CNTN5: variants seen among roughly 807,000 people sequenced by gnomAD.
The protein encoded by CNTN5 is contactin 5.
CNTN5 carries 77 observed loss-of-function variants against 129.1 expected under a neutral mutation model. The ratio of observed to expected loss-of-function variants is 0.60; its 90% CI spans 0.50 to 0.72. The LOEUF (loss-of-function observed/expected upper bound fraction) is 0.72. Ranked by LOEUF, CNTN5 falls within the 30% of genes least tolerant of loss-of-function variation. The pLI, the probability that CNTN5 is intolerant of heterozygous loss-of-function variation, is 0.00. For missense variants in CNTN5, 1,478 were observed against 1,328.8 expected, an observed-to-expected ratio of 1.11 and a Z score of -1.75; for synonymous variants, 509 against 465.6, an observed-to-expected ratio of 1.09 and a Z score of -1.20.
chr11:100,027,384 T>C (rs1377108619), intron 9 of CNTN5, among the ~76,000 whole-genome samples: 5 of 152,302 alleles, frequency 3.3e-5, no homozygotes, highest in South Asian at 2.1e-4. Flanking sequence ...CAGCATTTAG[T>C]ATTGGCTTAA....
chr11:100,002,596 G>T (rs1939943356), intron 9 of CNTN5, among the ~76,000 whole-genome samples: 2 of 152,082 alleles, frequency 1.3e-5, no homozygotes, highest in African/African-American at 4.8e-5. Flanking sequence ...AGTATCTCCT[G>T]AAATCATAAC....
At chr11:99,077,489 AT>A (rs1194821954) in intron 1 of CNTN5, among the ~76,000 whole-genome samples, 1 of 152,214 alleles carries the variant, frequency 6.6e-6, no homozygotes, top group African/African-American at 2.4e-5. Context: ...AGTGATACAC[AT>A]TTTAAATATC....
chr11:99,683,854 T>C (rs1412885588), intron 3 of CNTN5, among the ~76,000 whole-genome samples: 1 of 151,394 alleles, frequency 6.6e-6, no homozygotes, highest in Non-Finnish European at 1.5e-5. Context: ...ATTTATGGTG[T>C]ACGTGATGTT....
At chr11:99,972,915 G>A (rs1211106397) in intron 8 of CNTN5, among the ~76,000 whole-genome samples, 1 of 151,662 alleles carries the variant, frequency 6.6e-6, no homozygotes, top group Non-Finnish European at 1.5e-5. Flanking sequence ...TTAATTGTGT[G>A]TACAGTAAAA....
intron 1 of CNTN5, among the ~76,000 whole-genome samples, chr11:99,141,777 G>T (rs572057083): frequency 6.6e-6 from 1 of 152,200 alleles, no homozygotes; most frequent in East Asian, 1.9e-4. Context: ...GGAGCAGTTT[G>T]TTTATCTTCC....
chr11:99,268,062 A>T (rs1389874160), intron 1 of CNTN5, among the ~76,000 whole-genome samples: 2 of 151,954 alleles, frequency 1.3e-5, no homozygotes, highest in African/African-American at 4.8e-5. Flanking sequence ...GGCAGTCCTC[A>T]TTTTAAATCA....
chr11:99,471,202 G>A lies in CNTN5; in HGVS notation c.-70-84943G>A, dbSNP rs535146383. On this transcript the variant is annotated intron_variant, in intron 2 of 24. Coordinates refer to ENST00000524871, the MANE Select transcript of CNTN5 (RefSeq NM_014361.4). Reference sequence around the variant, plus strand: ...CATTTTCCTTAAACAGCAATAAAAGGTAACACAATAATAACTCACAATATT... The same window carrying A: ...CATTTTCCTTAAACAGCAATAAAAGATAACACAATAATAACTCACAATATT... Among the ~76,000 whole-genome samples the A allele has an allele frequency of 3.0e-4, 46 of 150,994 alleles. No individual in the cohort carries two copies. The South Asian group carries it at 6.1e-3, about 20-fold the overall frequency.
chr11:99,455,711 AT>A (rs112564989), intron 2 of CNTN5, among the ~76,000 whole-genome samples: 1,882 of 152,206 alleles, frequency 0.012, 44 homozygotes, highest in African/African-American at 0.043. Context: ...CGCAGTAGGA[AT>A]TGTATGAGAA....
At chr11:99,637,033 A>G (rs1951586363) in intron 3 of CNTN5, among the ~76,000 whole-genome samples, 1 of 143,172 alleles carries the variant, frequency 7.0e-6, no homozygotes, top group African/African-American at 2.6e-5. Context: ...AAAAAAAAAA[A>G]AAAAAAAAGT....
chr11:99,147,890 A>G (rs1377124479), intron 1 of CNTN5, among the ~76,000 whole-genome samples: 4 of 152,118 alleles, frequency 2.6e-5, no homozygotes, highest in African/African-American at 9.7e-5. Flanking sequence ...TATATTGTAG[A>G]AATTCAATGA....
At chr11:100,287,262 T>C (rs879070753) in intron 18 of CNTN5, among the ~76,000 whole-genome samples, 2 of 151,992 alleles carry the variant, frequency 1.3e-5, no homozygotes, top group South Asian at 2.1e-4. Context: ...GAGAATGCCA[T>C]AAAGATACTC....
intron 2 of CNTN5, among the ~76,000 whole-genome samples, chr11:99,423,995 A>T (rs1943010274): frequency 6.6e-6 from 1 of 151,996 alleles, no homozygotes; most frequent in Non-Finnish European, 1.5e-5. Flanking sequence ...AGTTCCAAGA[A>T]CCCCATTAGG....
chr11:99,882,997 A>C (rs975747935), intron 6 of CNTN5, among the ~76,000 whole-genome samples: 2 of 152,162 alleles, frequency 1.3e-5, no homozygotes, highest in African/African-American at 4.8e-5. Flanking sequence ...GGCTTATTTC[A>C]CTTAACATAA....
chr11:100,290,260 C>G (rs1033729467), intron 18 of CNTN5, among the ~76,000 whole-genome samples: 8 of 151,994 alleles, frequency 5.3e-5, no homozygotes, highest in South Asian at 4.2e-4. Context: ...AAACTACTTT[C>G]AAGTTCATAT....
chr11:99,069,142 T>A (rs1865228510), intron 1 of CNTN5, among the ~76,000 whole-genome samples: 1 of 152,308 alleles, frequency 6.6e-6, no homozygotes, highest in African/African-American at 2.4e-5. Flanking sequence ...AAACTGACTT[T>A]TCCAGAGTTG....
At chr11:99,474,320 A>G (rs1038548412) in intron 2 of CNTN5, among the ~76,000 whole-genome samples, 1 of 152,096 alleles carries the variant, frequency 6.6e-6, no homozygotes, top group Non-Finnish European at 1.5e-5. Context: ...AAAAATACCC[A>G]TCCTCTGCGT....
rs115687215 is a variant in CNTN5, at chr11:99,866,871, C to A, written c.577+21609C>A. Among the ~76,000 whole-genome samples, 1,119 of 152,316 alleles carry A rather than the reference C, an allele frequency of 7.3e-3. 16 individuals are homozygous for A. The highest frequency in any genetic ancestry group is 0.024 in the African/African-American group (1,003 of 41,572). On this transcript the variant is annotated intron_variant, in intron 6 of 24. Transcript: ENST00000524871. ...CATTATAGTCAGTACTTACCAATCC[C>A]TCTTCACCCTTCCCACAACATCTTT...
rs977058876 is a variant in CNTN5 at position 99,941,425 on chromosome 11, A to C, written c.674-15381A>C. Among the ~76,000 whole-genome samples the C allele has an allele frequency of 2.0e-5, 3 of 152,088 alleles. No individual in the cohort carries two copies. In the South Asian group the frequency reaches 6.2e-4, roughly 31 times the overall value. ...TATTTTATTTTTTATTCATTCAAAAATTATTTATTGTGTACCAGCCACTTT... is the reference window on the plus strand; with the variant it reads ...TATTTTATTTTTTATTCATTCAAAACTTATTTATTGTGTACCAGCCACTTT... On this transcript the variant is annotated intron_variant, in intron 7 of 24. Transcript: ENST00000524871.
At chr11:100,011,803 TTA>T (rs1170117646) in intron 9 of CNTN5, among the ~76,000 whole-genome samples, 13 of 152,146 alleles carry the variant, frequency 8.5e-5, no homozygotes, top group Non-Finnish European at 7.4e-5. Context: ...TTGCTGTAGT[TTA>T]TGTTTTCCTT....
Sources: allele counts gnomAD v4.1 joint callset (sites outside exome capture counted in the v4.1 genomes callset), GRCh38; gene constraint gnomAD v4.1.1; transcripts MANE v1.5; gene names NCBI Gene and HGNC (gene_info 2026-07-23, HGNC 2026-07-21).